The following GRID2 variants were observed in gnomAD, a reference collection of about 807,000 sequenced individuals.
The protein encoded by GRID2 is glutamate receptor ionotropic, delta-2.
A neutral mutation model predicts 114.8 loss-of-function variants in GRID2; 33 were observed. The ratio of observed to expected loss-of-function variants is 0.29; its 90% CI spans 0.22 to 0.38. The LOEUF is 0.38. GRID2 is among the 10% of genes least tolerant of loss of function. The probability of loss-of-function intolerance (pLI) is 1.00; values close to 1 mark genes in which losing one functional copy is unlikely to be tolerated. For synonymous variants in GRID2, 505 were observed against 449.9 expected (o/e 1.12, Z -1.55); for missense variants, 1,184 against 1,257.7 (o/e 0.94, Z 0.89).
At chr4:93,200,118 C>G (rs1270738979) in intron 4 of GRID2, among the ~76,000 whole-genome samples, 6 of 152,154 alleles carry the variant, frequency 3.9e-5, no homozygotes, top group Non-Finnish European at 8.8e-5. Context: ...ATCCACAAAG[C>G]CCTTGCTAAA....
At chr4:92,907,199 A>C (rs556700813) in intron 2 of GRID2, among the ~76,000 whole-genome samples, 1 of 152,308 alleles carries the variant, frequency 6.6e-6, no homozygotes, top group East Asian at 1.9e-4. Context: ...TTTTAAAAAA[A>C]TTAAGACAAG....
At chr4:93,252,209 A>T (rs187487054) in intron 8 of GRID2, among the ~76,000 whole-genome samples, 1 of 152,010 alleles carries the variant, frequency 6.6e-6, no homozygotes, top group Non-Finnish European at 1.5e-5. Context: ...TTTTACATTT[A>T]ATTATTGAAT....
chr4:92,457,659 G>A (rs1478010477), intron 1 of GRID2, among the ~76,000 whole-genome samples: 1 of 152,010 alleles, frequency 6.6e-6, no homozygotes. Flanking sequence ...TATGGGACAG[G>A]AACATTATAT....
chr4:93,702,191 A>G (rs1319510397), intron 14 of GRID2, among the ~76,000 whole-genome samples: 1 of 152,184 alleles, frequency 6.6e-6, no homozygotes, highest in African/African-American at 2.4e-5. Flanking sequence ...AACCTGTTAT[A>G]TATAAATTGG....
chr4:92,380,794 T>A (rs13138925), intron 1 of GRID2, among the ~76,000 whole-genome samples: 2 of 151,996 alleles, frequency 1.3e-5, no homozygotes, highest in Non-Finnish European at 2.9e-5. Flanking sequence ...AATTAGTTGG[T>A]CTTAGTTGTA....
intron 2 of GRID2, among the ~76,000 whole-genome samples, chr4:92,710,982 C>A (rs573064871): frequency 1.3e-5 from 2 of 151,200 alleles, no homozygotes; most frequent in South Asian, 2.1e-4. Context: ...CCTTATAGGA[C>A]CGGTTATTTA....
intron 13 of GRID2, among the ~76,000 whole-genome samples, chr4:93,574,521 G>T (rs1196065568): frequency 2.6e-5 from 4 of 152,180 alleles, no homozygotes; most frequent in African/African-American, 9.7e-5. Flanking sequence ...AAGGCAAGGA[G>T]AAGCAACTCA....
chr4:92,716,760 T>C (rs1031976363), intron 2 of GRID2, among the ~76,000 whole-genome samples: 6 of 152,170 alleles, frequency 3.9e-5, no homozygotes, highest in African/African-American at 1.4e-4. Context: ...TCATCCATGA[T>C]TGCCTGGGAG....
At chr4:92,446,661 C>T (rs1733484999) in intron 1 of GRID2, among the ~76,000 whole-genome samples, 1 of 152,190 alleles carries the variant, frequency 6.6e-6, no homozygotes, top group Admixed American at 6.5e-5. Context: ...TCCTTAGTTA[C>T]TATCCAGTGG....
At chr4:92,767,995 T>C (rs186310968) in intron 2 of GRID2, among the ~76,000 whole-genome samples, 55 of 152,294 alleles carry the variant, frequency 3.6e-4, no homozygotes, top group Middle Eastern at 3.4e-3. Flanking sequence ...TGTATTCTTC[T>C]AATTATTATT....
At chr4:92,374,030 G>C (rs1234876479) in intron 1 of GRID2, among the ~76,000 whole-genome samples, 1 of 151,600 alleles carries the variant, frequency 6.6e-6, no homozygotes, top group Non-Finnish European at 1.5e-5. Context: ...AAAATTCAAA[G>C]CCCCCCCGCC....
intron 1 of GRID2, among the ~76,000 whole-genome samples, chr4:92,412,954 C>T (rs1467802172): frequency 6.6e-6 from 1 of 152,146 alleles, no homozygotes; most frequent in Non-Finnish European, 1.5e-5. Flanking sequence ...CTTTGTGTTA[C>T]TTCTAGTGTT....
chr4:93,414,541 A>G (rs1212678948), intron 9 of GRID2, among the ~76,000 whole-genome samples: 1 of 152,006 alleles, frequency 6.6e-6, no homozygotes, highest in Non-Finnish European at 1.5e-5. Context: ...TAACTGCTGT[A>G]TTTATACTTA....
chr4:92,449,714 A>G (rs963738507), intron 1 of GRID2, among the ~76,000 whole-genome samples: 2 of 75,762 alleles, frequency 2.6e-5, no homozygotes, highest in African/African-American at 5.6e-5. Context: ...TATATATAAC[A>G]CTTAAGCCAA....
intron 2 of GRID2, among the ~76,000 whole-genome samples, chr4:92,706,691 A>T (rs1460924750): frequency 1.3e-5 from 2 of 152,210 alleles, no homozygotes; most frequent in Non-Finnish European, 2.9e-5. Context: ...CCTGTTTCAG[A>T]GCTCAATAGG....
chr4:93,718,693 G>T (rs1292780620), intron 14 of GRID2, among the ~76,000 whole-genome samples: 1 of 151,974 alleles, frequency 6.6e-6, no homozygotes, highest in Non-Finnish European at 1.5e-5. Context: ...CAGACAACTG[G>T]GCAGAATCAT....
chr4:92,948,734 C>A (rs1387794318), intron 2 of GRID2, among the ~76,000 whole-genome samples: 3 of 151,936 alleles, frequency 2.0e-5, no homozygotes, highest in Non-Finnish European at 4.4e-5. Context: ...TGACAGTTTA[C>A]CATACCAGAA....
At chr4:92,763,955 C>G (rs1304760909) in intron 2 of GRID2, among the ~76,000 whole-genome samples, 1 of 152,058 alleles carries the variant, frequency 6.6e-6, no homozygotes, top group East Asian at 1.9e-4. Context: ...TGGAATATAA[C>G]TGCTAAAGAA....
chr4:93,292,930 C>T (rs1248551306), intron 8 of GRID2, among the ~76,000 whole-genome samples: 1 of 152,080 alleles, frequency 6.6e-6, no homozygotes, highest in Non-Finnish European at 1.5e-5. Context: ...TTTTAACAGC[C>T]CCGGAGATGT....
Sources: allele counts gnomAD v4.1 joint callset (sites outside exome capture counted in the v4.1 genomes callset), GRCh38; gene constraint gnomAD v4.1.1; transcripts MANE v1.5; gene names NCBI Gene and HGNC (gene_info 2026-07-23, HGNC 2026-07-21).